CRY1: variants seen among roughly 807,000 people sequenced by gnomAD.
CRY1 encodes cryptochrome-1.
Under a neutral mutation model 76.0 loss-of-function variants are expected in CRY1, and 45 were observed. The ratio of observed to expected loss-of-function variants is 0.59; its 90% confidence interval spans 0.47 to 0.76. The LOEUF (loss-of-function observed/expected upper bound fraction) is 0.76. Among genes scored for constraint, CRY1 ranks in the 30% least tolerant of loss-of-function variants. CRY1 has a pLI of 0.00. For missense variants in CRY1, 587 were observed against 716.4 expected (o/e 0.82, Z 2.06); for synonymous variants, 248 against 244.0 (o/e 1.02, Z -0.15).
chr12:107,026,534 C>A (rs905885930), intron 1 of CRY1, among the ~76,000 whole-genome samples: 1 of 152,098 alleles, frequency 6.6e-6, no homozygotes, highest in African/African-American at 2.4e-5. Flanking sequence ...AGGCCTGGCC[C>A]TAACTACAGT....
chr12:107,088,825 C>A (rs1953435097), intron 1 of CRY1, among the ~76,000 whole-genome samples: 1 of 152,212 alleles, frequency 6.6e-6, no homozygotes, highest in African/African-American at 2.4e-5. Flanking sequence ...CAGAGTTGTA[C>A]AATCATCCAT....
chr12:107,092,821 C>T lies in CRY1; in HGVS notation c.141G>A (p.Val47=), dbSNP rs768923296. The T allele has an allele frequency of 6.2e-7, 1 of 1,611,678 alleles. No homozygotes were observed. Among genetic ancestry groups the T allele is most frequent in the Non-Finnish European group, 8.5e-7 (1 of 1,179,832 alleles). ...TGACTCACCGCCACCTGTTGATGCCCACATTGGAGGAGCCGGCGAACCAGG... is the reference window on the plus strand; with the variant it reads ...TGACTCACCGCCACCTGTTGATGCCTACATTGGAGGAGCCGGCGAACCAGG... ...LDPWFAGSSN[V]GINRWRFLLQ... Residue 47 remains valine (V), a synonymous_variant, in exon 1 of 13, where the codon GTG becomes GTA. Transcript: ENST00000008527.
intron 1 of CRY1, among the ~76,000 whole-genome samples, chr12:107,036,058 T>A (rs764290588): frequency 6.6e-6 from 1 of 152,242 alleles, no homozygotes; most frequent in African/African-American, 2.4e-5. Flanking sequence ...CCAGCTATTA[T>A]GACCTTGTGG....
chr12:107,087,931 T>C (rs1953422301), intron 1 of CRY1, among the ~76,000 whole-genome samples: 2 of 151,982 alleles, frequency 1.3e-5, no homozygotes, highest in South Asian at 4.1e-4. Flanking sequence ...CCCAGCTACT[T>C]GGGAGGCTGA....
In CRY1 at chr12:107,034,459, C is replaced by T. The variant is rs370155857; in HGVS notation, c.159-12267G>A. Among the ~76,000 whole-genome samples the T allele has an allele frequency of 2.5e-3, 383 of 152,160 alleles. 4 individuals are homozygous for T. Among genetic ancestry groups the T allele is most frequent in the African/African-American group, 8.6e-3 (356 of 41,522 alleles). On this transcript the variant is annotated intron_variant, in intron 1 of 12. Coordinates refer to ENST00000008527, the MANE Select transcript of CRY1 (RefSeq NM_004075.5). ...TCTATGGACTGGCCATTTTTTGTTT[C>T]TCTACTTGTCTAATAAATTCGCTTT...
At chr12:107,059,708 G>A (rs1361446254) in intron 1 of CRY1, among the ~76,000 whole-genome samples, 1 of 152,012 alleles carries the variant, frequency 6.6e-6, no homozygotes, top group Non-Finnish European at 1.5e-5. Context: ...AAATAGTAAT[G>A]ATGATCTCAC....
intron 1 of CRY1, among the ~76,000 whole-genome samples, chr12:107,073,455 G>A (rs555218802): frequency 1.1e-4 from 17 of 152,162 alleles, no homozygotes; most frequent in East Asian, 7.7e-4. Context: ...GGCTGGGCAC[G>A]GTGACTCATG....
At chr12:107,040,842 A>G (rs1465351124) in intron 1 of CRY1, among the ~76,000 whole-genome samples, 1 of 152,142 alleles carries the variant, frequency 6.6e-6, no homozygotes, top group Non-Finnish European at 1.5e-5. Flanking sequence ...TGAATCTCAA[A>G]TATATTGCAT....
intron 1 of CRY1, among the ~76,000 whole-genome samples, chr12:107,074,867 T>G (rs1301717118): frequency 6.6e-6 from 1 of 152,138 alleles, no homozygotes; most frequent in Non-Finnish European, 1.5e-5. Context: ...ATACAAAAAT[T>G]AGCCGGGTGT....
chr12:107,013,555 C>A (rs1952467272), intron 2 of CRY1, among the ~76,000 whole-genome samples: 1 of 152,236 alleles, frequency 6.6e-6, no homozygotes, highest in Admixed American at 6.5e-5. Context: ...TGGTCTCGAA[C>A]CAAACTTGTA....
At chr12:106,993,817 C>T (rs931643971) in intron 10 of CRY1, among the ~76,000 whole-genome samples, 1 of 151,612 alleles carries the variant, frequency 6.6e-6, no homozygotes, top group African/African-American at 2.4e-5. Context: ...CTAATAATGC[C>T]GATGAACTGA....
intron 1 of CRY1, among the ~76,000 whole-genome samples, chr12:107,073,509 T>G (rs1404932789): frequency 6.6e-6 from 1 of 152,098 alleles, no homozygotes; most frequent in African/African-American, 2.4e-5. Context: ...GGCAGATCAC[T>G]TGAGGTCAGG....
At chr12:107,076,005 C>T (rs1246516326) in intron 1 of CRY1, among the ~76,000 whole-genome samples, 2 of 151,910 alleles carry the variant, frequency 1.3e-5, no homozygotes, top group Non-Finnish European at 2.9e-5. Flanking sequence ...GAGATGGAGA[C>T]AAAATCAGCT....
intron 2 of CRY1, among the ~76,000 whole-genome samples, chr12:107,012,446 T>C (rs762906268): frequency 2.0e-5 from 3 of 152,224 alleles, no homozygotes; most frequent in Non-Finnish European, 4.4e-5. Context: ...TGTTGAGACC[T>C]ACTACTCAGA....
chr12:107,050,771 G>C (rs954640221), intron 1 of CRY1, among the ~76,000 whole-genome samples: 3 of 152,196 alleles, frequency 2.0e-5, no homozygotes, highest in Non-Finnish European at 4.4e-5. Context: ...TCTTTGTAAA[G>C]ATGACAGAGA....
intron 1 of CRY1, among the ~76,000 whole-genome samples, chr12:107,067,208 TA>T (rs1298922563): frequency 2.0e-5 from 3 of 151,904 alleles, no homozygotes; most frequent in South Asian, 2.1e-4. Context: ...AAGGGCTGCA[TA>T]AAAAAAAGAA....
intron 2 of CRY1, among the ~76,000 whole-genome samples, chr12:107,020,704 G>A (rs779933507): frequency 8.6e-5 from 13 of 152,024 alleles, no homozygotes; most frequent in South Asian, 2.1e-4. Context: ...CTGCAGAACT[G>A]TGAGCCAATT....
intron 1 of CRY1, among the ~76,000 whole-genome samples, chr12:107,091,869 T>A (rs1284887026): frequency 6.6e-6 from 1 of 152,218 alleles, no homozygotes; most frequent in Non-Finnish European, 1.5e-5. Context: ...TGCTCAAGTG[T>A]CACCTTCTCT....
At chr12:107,000,322 CA>C (rs1259695570) in intron 5 of CRY1, among the ~76,000 whole-genome samples, 1 of 151,822 alleles carries the variant, frequency 6.6e-6, no homozygotes, top group East Asian at 1.9e-4. Context: ...AAATTTCCAA[CA>C]GAAAGCTGAG....
Sources: gnomAD v4.1 joint callset for allele counts (sites outside exome capture counted in the v4.1 genomes callset) on GRCh38, gnomAD v4.1.1 for gene constraint, MANE v1.5 for transcripts, NCBI Gene and HGNC (gene_info 2026-07-23, HGNC 2026-07-21) for gene names.